The following FAT3 variants were observed in gnomAD, a reference collection of about 807,000 sequenced individuals.
FAT3 encodes the protein protocadherin Fat 3.
FAT3 carries 95 observed loss-of-function variants against 310.2 expected under a neutral mutation model. The observed-to-expected ratio is 0.31, with a 90% CI of 0.26 to 0.36. The LOEUF (loss-of-function observed/expected upper bound fraction) is 0.36. Ranked by LOEUF, FAT3 falls within the 10% of genes least tolerant of loss-of-function variation. FAT3 has a pLI of 1.00. For missense variants in FAT3, 5,408 were observed against 5,715.6 expected (o/e 0.95, Z 1.74); for synonymous variants, 2,314 against 2,192.9 (o/e 1.06, Z -1.54).
chr11:92,396,455 G>A (rs780040193), intron 2 of FAT3, among the ~76,000 whole-genome samples: 6 of 152,214 alleles, frequency 3.9e-5, no homozygotes, highest in Non-Finnish European at 8.8e-5. Flanking sequence ...GGCAATGGAA[G>A]ATCCCGTCTA....
chr11:92,409,250 TGTGTGTGTGTC>T (rs1950199818), intron 2 of FAT3, among the ~76,000 whole-genome samples: 1 of 148,608 alleles, frequency 6.7e-6, no homozygotes, highest in Non-Finnish European at 1.5e-5. Context: ...CTTTCGTGTG[TGTGTGTGTGTC>T]GTGTGTGTGT....
chr11:92,471,848 A>T (rs1363456894), intron 2 of FAT3, among the ~76,000 whole-genome samples: 1 of 150,742 alleles, frequency 6.6e-6, no homozygotes, highest in Non-Finnish European at 1.5e-5. Context: ...ATTTAGTAGC[A>T]TAAATAAATC....
rs142702513 is a variant in FAT3, at chr11:92,666,445, G to A, written c.3608-30939G>A. 8.3e-3 allele frequency among the ~76,000 whole-genome samples: 1,240 copies of A among 149,816 alleles called. 20 individuals are homozygous for A. Among genetic ancestry groups the A allele is most frequent in the African/African-American group, 0.029 (1,157 of 40,484 alleles). On this transcript the variant is annotated intron_variant, in intron 3 of 27. Transcript: ENST00000525166. ...CTGCTCACTGCAAGCTCTGCCTCCC[G>A]GGTTCACGCCATTCTCCTGCCTCAG...
At chr11:92,750,493 AGCTTGG>A (rs1275895498) in intron 4 of FAT3, among the ~76,000 whole-genome samples, 1 of 152,176 alleles carries the variant, frequency 6.6e-6, no homozygotes, top group East Asian at 1.9e-4. Context: ...TGAGCAGAGG[AGCTTGG>A]CTTTATAGAC....
intron 8 of FAT3, among the ~76,000 whole-genome samples, chr11:92,792,174 T>A (rs1433913022): frequency 6.6e-6 from 1 of 152,180 alleles, no homozygotes; most frequent in African/African-American, 2.4e-5. Context: ...CTTTAGTGCA[T>A]CCCGTGAGAA....
At chr11:92,786,566 T>C (rs1226044860) in intron 7 of FAT3, among the ~76,000 whole-genome samples, 2 of 151,802 alleles carry the variant, frequency 1.3e-5, no homozygotes, top group African/African-American at 4.8e-5. Context: ...GTTTCTCATC[T>C]ATCAGATTGG....
chr11:92,542,658 T>C (rs2135415405), intron 3 of FAT3, among the ~76,000 whole-genome samples: 1 of 152,126 alleles, frequency 6.6e-6, no homozygotes, highest in East Asian at 1.9e-4. Flanking sequence ...AAAATGGCTA[T>C]TATCAAAAAG....
chr11:92,658,620 C>T (rs1206125343), intron 3 of FAT3, among the ~76,000 whole-genome samples: 1 of 152,190 alleles, frequency 6.6e-6, no homozygotes, highest in Non-Finnish European at 1.5e-5. Flanking sequence ...GCCTTGCTGC[C>T]TCCCTAGAGG....
At chr11:92,279,390 G>T (rs1254307146) in intron 1 of FAT3, among the ~76,000 whole-genome samples, 1 of 152,052 alleles carries the variant, frequency 6.6e-6, no homozygotes, top group Non-Finnish European at 1.5e-5. Context: ...AATATCCTTT[G>T]TATGTATCCC....
Position 92,851,110 on chromosome 11 carries a change from C to T in FAT3, c.11366-6104C>T, listed in dbSNP as rs565729009. 5.3e-5 allele frequency among the ~76,000 whole-genome samples: 8 copies of T among 152,248 alleles called. 1 individual carries two copies. In the South Asian group the frequency reaches 1.2e-3, roughly 24 times the overall value. ...AACACAGGTGCATGTTCCTGTGACG[C>T]GGATGAGTAACAAGCCCCAGGCTTT... On this transcript the variant is annotated intron_variant, in intron 19 of 27. Coordinates refer to ENST00000525166, the MANE Select transcript of FAT3 (RefSeq NM_001367949.2).
chr11:92,857,008 G>A (rs1423516514), intron 19 of FAT3, among the ~76,000 whole-genome samples: 4 of 152,186 alleles, frequency 2.6e-5, no homozygotes, highest in African/African-American at 9.6e-5. Context: ...TTTGGCAGAT[G>A]TAGGGAAATT....
intron 3 of FAT3, among the ~76,000 whole-genome samples, chr11:92,620,807 A>C (rs1383895685): frequency 1.3e-5 from 2 of 152,140 alleles, no homozygotes; most frequent in Non-Finnish European, 2.9e-5. Flanking sequence ...AGCAACATTT[A>C]TTTCTCACCA....
intron 4 of FAT3, among the ~76,000 whole-genome samples, chr11:92,750,922 GA>G (rs1438048201): frequency 6.6e-6 from 1 of 152,216 alleles, no homozygotes; most frequent in Non-Finnish European, 1.5e-5. Flanking sequence ...CAGCTGTCTG[GA>G]AAGCTCCATC....
At chr11:92,807,485 G>C (rs555304856) in intron 12 of FAT3, among the ~76,000 whole-genome samples, 1 of 152,248 alleles carries the variant, frequency 6.6e-6, no homozygotes, top group African/African-American at 2.4e-5. Context: ...TTAGCATCAA[G>C]TAAGCGGACA....
At chr11:92,510,962 G>A (rs1358259633) in intron 2 of FAT3, among the ~76,000 whole-genome samples, 2 of 152,234 alleles carry the variant, frequency 1.3e-5, no homozygotes, top group Non-Finnish European at 2.9e-5. Flanking sequence ...CCAGGGTGGA[G>A]GCAAATCTGT....
At chr11:92,555,743 A>G (rs540264668) in intron 3 of FAT3, among the ~76,000 whole-genome samples, 23 of 152,350 alleles carry the variant, frequency 1.5e-4, no homozygotes, top group Admixed American at 2.6e-4. Context: ...TGGCAGAATC[A>G]GCAGGATTCA....
rs967869433 is a variant in FAT3, at chr11:92,247,869, T to A, written c.-18+22695T>A. On this transcript the variant is annotated intron_variant, in intron 1 of 27. Transcript: ENST00000525166. ...CTGTTGTTGCAGCTACTCAGTAGGC[T>A]GACGCTAGAGAATCCCTTGAGTCCA... Among the ~76,000 whole-genome samples, 18 of 152,124 alleles carry A rather than the reference T, an allele frequency of 1.2e-4. 1 individual carries two copies. The highest frequency in any genetic ancestry group is 4.1e-4 in the African/African-American group (17 of 41,520).
chr11:92,389,199 A>C (rs1949694337), intron 2 of FAT3, among the ~76,000 whole-genome samples: 1 of 152,184 alleles, frequency 6.6e-6, no homozygotes, highest in Admixed American at 6.6e-5. Context: ...AAGGTGTCTC[A>C]GTCAGTTTGG....
At chr11:92,477,016 G>A (rs1952068488) in intron 2 of FAT3, among the ~76,000 whole-genome samples, 1 of 152,180 alleles carries the variant, frequency 6.6e-6, no homozygotes, top group African/African-American at 2.4e-5. Context: ...CATAAATAGT[G>A]TCTTTTAATT....
Sources: gnomAD v4.1 joint callset for allele counts (sites outside exome capture counted in the v4.1 genomes callset) on GRCh38, gnomAD v4.1.1 for gene constraint, MANE v1.5 for transcripts, NCBI Gene and HGNC (gene_info 2026-07-23, HGNC 2026-07-21) for gene names.